SLC17A4: variants seen among roughly 807,000 people sequenced by gnomAD.
The protein encoded by SLC17A4 is probable small intestine urate exporter.
In SLC17A4, 33 loss-of-function variants were observed where a neutral mutation model predicts 52.5. The ratio of observed to expected loss-of-function variants is 0.63; its 90% CI spans 0.48 to 0.84. The LOEUF (loss-of-function observed/expected upper bound fraction) is 0.84. SLC17A4 is among the 40% of genes least tolerant of loss of function. SLC17A4 has a pLI of 0.00. For synonymous variants in SLC17A4, 225 were observed against 216.2 expected, an observed-to-expected ratio of 1.04 and a Z score of -0.36; for missense variants, 585 against 597.1, an observed-to-expected ratio of 0.98 and a Z score of 0.21.
intron 1 of SLC17A4, 74 bp from the exon 2 acceptor site, chr6:25,761,853 A>G (rs1043397036): frequency 7.3e-6 from 6 of 819,632 alleles, no homozygotes; most frequent in Non-Finnish European, 1.1e-5. Flanking sequence ...ATTTGCTCCT[A>G]GTTCTTAGAA....
intron 2 of SLC17A4, among the ~76,000 whole-genome samples, chr6:25,765,502 G>A (rs975469004): frequency 6.6e-6 from 1 of 152,098 alleles, no homozygotes; most frequent in African/African-American, 2.4e-5. Context: ...GTTATTACGG[G>A]GAAATTGAGG....
chr6:25,756,579 G>A (rs932507025), intron 1 of SLC17A4, among the ~76,000 whole-genome samples: 4 of 152,134 alleles, frequency 2.6e-5, no homozygotes, highest in Admixed American at 1.3e-4. Context: ...CCCCACAACA[G>A]CACTGTCCTC....
Position 25,769,010 on chromosome 6 carries a change from G to A in SLC17A4, c.117G>A (p.Leu39=), listed in dbSNP as rs1474970267. The A allele has an allele frequency of 6.2e-7, 1 of 1,613,828 alleles. No homozygotes were observed. The highest frequency in any genetic ancestry group is 8.5e-7 in the Non-Finnish European group (1 of 1,179,944). Residue 39 remains leucine (L), a synonymous_variant, in exon 3 of 12, where the codon CTG becomes CTA. Coordinates refer to ENST00000377905, the MANE Select transcript of SLC17A4 (RefSeq NM_005495.3). ...GTTTTTGTTCAGTCCGACATGGGCTGGCCCTCATCTTGCAGCTCTGTAATT... is the reference window on the plus strand; with the variant it reads ...GTTTTTGTTCAGTCCGACATGGGCTAGCCCTCATCTTGCAGCTCTGTAATT... ...RKGFCSVRHG[L]ALILQLCNFS...
chr6:25,777,868 T>C (rs1287517757), intron 10 of SLC17A4, 58 bp from the exon 11 acceptor site: 1 of 1,427,970 alleles, frequency 7.0e-7, no homozygotes, highest in Non-Finnish European at 9.8e-7. Flanking sequence ...TCCCGGGTAT[T>C]GAGACTTTCA....
At chr6:25,779,025 G>T (rs558071421) in intron 11 of SLC17A4, 29 bp from the exon 12 acceptor site, 49 of 1,612,352 alleles carry the variant, frequency 3.0e-5, no homozygotes, top group African/African-American at 1.3e-4. Flanking sequence ...TTGGGTGACC[G>T]TTAATAACTT....
rs543644789 is a variant in SLC17A4 at position 25,780,397 on chromosome 6, G to A, written c.*1209G>A. On this transcript the variant is annotated 3_prime_UTR_variant, in exon 12 of 12. Coordinates refer to ENST00000377905, the MANE Select transcript of SLC17A4 (RefSeq NM_005495.3). ...GATAAGTGCACTAATCTGAGTGTAA[G>A]GAAGGGCCACCCCTGCAAAGTTTCA... 1 of 152,320 alleles carries A rather than the reference G, an allele frequency of 6.6e-6. No homozygotes were observed. The highest frequency in any genetic ancestry group is 2.1e-4 in the South Asian group (1 of 4,828). 9.4% of individuals were successfully genotyped at this position (152,320 alleles called of 1,614,324 possible). A position where few individuals can be genotyped will look rare whatever the true frequency, so the allele number is the denominator to read the frequency against.
chr6:25,761,084 C>A (rs1188476879), intron 1 of SLC17A4, among the ~76,000 whole-genome samples: 1 of 152,056 alleles, frequency 6.6e-6, no homozygotes, highest in East Asian at 1.9e-4. Context: ...GGGCTTGATT[C>A]TTTGGTCAGT....
chr6:25,771,082 C>A (rs1016788396), intron 6 of SLC17A4, 70 bp downstream of exon 6: 1 of 1,249,548 alleles, frequency 8.0e-7, no homozygotes, highest in Admixed American at 1.7e-5. Context: ...CTATGGTTAA[C>A]CAAATCCTAA....
At chr6:25,764,666 C>G (rs574188414) in intron 2 of SLC17A4, among the ~76,000 whole-genome samples, 1 of 152,288 alleles carries the variant, frequency 6.6e-6, no homozygotes, top group South Asian at 2.1e-4. Flanking sequence ...TGCTCCTCAG[C>G]TTGGAGTGGC....
intron 5 of SLC17A4, 109 bp downstream of exon 5, chr6:25,770,580 C>A: frequency 9.7e-7 from 1 of 1,033,080 alleles, no homozygotes; most frequent in Non-Finnish European, 1.5e-6. Context: ...CTTCATAGTC[C>A]TTTCCTTAAA....
intron 6 of SLC17A4, among the ~76,000 whole-genome samples, chr6:25,771,589 AG>A (rs1762488030): frequency 6.8e-6 from 1 of 147,944 alleles, no homozygotes; most frequent in Non-Finnish European, 1.5e-5. Context: ...AAAAAAAAAA[AG>A]AAAATGTTAT....
chr6:25,779,261 T>C lies in SLC17A4; in HGVS notation c.*73T>C. ...TTCCCTCACAGACATTTCTCTTTCA[T>C]GCCTGCTTGACTGATAAGCCATTAG... is the stretch of plus-strand genomic sequence containing the variant. On this transcript the variant is annotated 3_prime_UTR_variant, in exon 12 of 12. Transcript: ENST00000377905. 2 of 1,586,118 alleles carry C rather than the reference T, an allele frequency of 1.3e-6. No homozygotes were observed. The highest frequency in any genetic ancestry group is 1.7e-4 in the Middle Eastern group (1 of 5,922).
chr6:25,772,303 A>G (rs1415522785), intron 6 of SLC17A4, among the ~76,000 whole-genome samples: 2 of 152,112 alleles, frequency 1.3e-5, no homozygotes, highest in Non-Finnish European at 2.9e-5. Flanking sequence ...TCCAACCCCA[A>G]TGTGCAACAT....
chr6:25,758,866 T>C (rs1423340942), intron 1 of SLC17A4, among the ~76,000 whole-genome samples: 1 of 152,208 alleles, frequency 6.6e-6, no homozygotes, highest in South Asian at 2.1e-4. Flanking sequence ...CTTGTTTCTC[T>C]AGTTCCTTGA....
intron 6 of SLC17A4, 140 bp from the exon 7 acceptor site, chr6:25,773,135 A>C: frequency 1.4e-6 from 1 of 723,548 alleles, no homozygotes; most frequent in Admixed American, 2.1e-5. Flanking sequence ...CTCCCCCATG[A>C]TAGGGCCATG....
intron 1 of SLC17A4, among the ~76,000 whole-genome samples, chr6:25,756,175 G>A (rs1308052738): frequency 2.0e-5 from 3 of 152,048 alleles, no homozygotes. Context: ...GCCATTTTGG[G>A]AGATCGAGAC....
intron 8 of SLC17A4, 41 bp downstream of exon 8, chr6:25,773,715 G>T (rs757838555): frequency 1.9e-6 from 3 of 1,591,708 alleles, no homozygotes; most frequent in Non-Finnish European, 2.6e-6. Flanking sequence ...CTGTTTAAAT[G>T]CTTAAATAAT....
chr6:25,763,031 C>G (rs1184910104), intron 2 of SLC17A4, among the ~76,000 whole-genome samples: 1 of 152,168 alleles, frequency 6.6e-6, no homozygotes, highest in Admixed American at 6.5e-5. Flanking sequence ...AGTTTCCAAT[C>G]CTGATTTTGC....
In SLC17A4 at chr6:25,779,325, C is replaced by A; in HGVS notation, c.*137C>A. The A allele has an allele frequency of 1.6e-6, 2 of 1,250,212 alleles. No individual in the cohort carries two copies. Among genetic ancestry groups the A allele is most frequent in the Non-Finnish European group, 2.2e-6 (2 of 914,086 alleles). 77.4% of individuals were successfully genotyped at this position (1,250,212 alleles called of 1,614,324 possible). Reference sequence around the variant, plus strand: ...ATGTAACGCTAAAGATTTTACCATGCCTGGAAATTTTACAGGGGAAGAAAA... The same window carrying A: ...ATGTAACGCTAAAGATTTTACCATGACTGGAAATTTTACAGGGGAAGAAAA... On this transcript the variant is annotated 3_prime_UTR_variant, in exon 12 of 12. Transcript: ENST00000377905.
Sources: gnomAD v4.1 joint callset for allele counts (sites outside exome capture counted in the v4.1 genomes callset) on GRCh38, gnomAD v4.1.1 for gene constraint, MANE v1.5 for transcripts, NCBI Gene and HGNC (gene_info 2026-07-23, HGNC 2026-07-21) for gene names.